The following TMEM131 variants were observed in gnomAD, a reference collection of about 807,000 sequenced individuals.
TMEM131 encodes the protein 2610524E03Rik.
A neutral mutation model predicts 211.6 loss-of-function variants in TMEM131; 66 were observed. That is an observed-to-expected ratio of 0.31 (90% CI 0.26 to 0.38). The LOEUF is 0.38. TMEM131 is among the 10% of genes least tolerant of loss of function. The pLI is 1.00. For synonymous variants in TMEM131, 844 were observed against 841.3 expected, an observed-to-expected ratio of 1.00 and a Z score of -0.06; for missense variants, 2,036 against 2,299.3, an observed-to-expected ratio of 0.89 and a Z score of 2.34.
At chr2:97,806,386 C>G (rs369122127) in intron 19 of TMEM131, among the ~76,000 whole-genome samples, 2 of 152,012 alleles carry the variant, frequency 1.3e-5, no homozygotes, top group East Asian at 1.9e-4. Flanking sequence ...AAAATACACA[C>G]GAAAAATTAG....
chr2:97,984,741 A>C (rs1475582157), intron 1 of TMEM131, among the ~76,000 whole-genome samples: 1 of 150,894 alleles, frequency 6.6e-6, no homozygotes, highest in Non-Finnish European at 1.5e-5. Flanking sequence ...TAATTACTAT[A>C]TATTGATACA....
intron 4 of TMEM131, among the ~76,000 whole-genome samples, chr2:97,885,580 T>C (rs914869071): frequency 6.7e-6 from 1 of 148,626 alleles, no homozygotes; most frequent in Non-Finnish European, 1.5e-5. Flanking sequence ...ACCCCCACTT[T>C]GAGTATTTTT....
intron 1 of TMEM131, among the ~76,000 whole-genome samples, chr2:97,971,317 C>T (rs1017324876): frequency 1.3e-5 from 2 of 151,862 alleles, no homozygotes; most frequent in South Asian, 2.1e-4. Flanking sequence ...AGGTGTTCCA[C>T]GTGACAAAAG....
At chr2:97,796,193 T>C in intron 28 of TMEM131, 25 bp downstream of exon 28, 1 of 1,385,930 alleles carries the variant, frequency 7.2e-7, no homozygotes, top group East Asian at 2.6e-5. Context: ...TAGTGATTCA[T>C]TACACCTTAA....
chr2:97,912,932 T>C (rs1479741709), intron 2 of TMEM131: 2 of 152,224 alleles, frequency 1.3e-5, no homozygotes, highest in African/African-American at 4.8e-5. Flanking sequence ...CTTTAAAATA[T>C]TATTAAATTC....
intron 2 of TMEM131, among the ~76,000 whole-genome samples, chr2:97,919,935 T>C (rs1468970370): frequency 6.6e-6 from 1 of 152,338 alleles, no homozygotes; most frequent in Non-Finnish European, 1.5e-5. Flanking sequence ...GAACTTGGCA[T>C]TCAGTTGTGA....
intron 40 of TMEM131, among the ~76,000 whole-genome samples, chr2:97,758,378 T>A (rs1206212581): frequency 6.6e-6 from 1 of 152,270 alleles, no homozygotes; most frequent in African/African-American, 2.4e-5. Context: ...AAGAATACTC[T>A]TTTCAGCATG....
intron 11 of TMEM131, among the ~76,000 whole-genome samples, chr2:97,831,077 T>TA (rs1682658927): frequency 6.6e-6 from 1 of 152,206 alleles, no homozygotes; most frequent in African/African-American, 2.4e-5. Flanking sequence ...GCTTGCCCCA[T>TA]AGCTGATAAG....
At chr2:97,968,639 A>C (rs1020668193) in intron 1 of TMEM131, among the ~76,000 whole-genome samples, 1 of 152,188 alleles carries the variant, frequency 6.6e-6, no homozygotes, top group Admixed American at 6.5e-5. Flanking sequence ...AGCCTGCACA[A>C]AGCAAGAGTG....
intron 4 of TMEM131, among the ~76,000 whole-genome samples, chr2:97,865,224 CATG>C (rs1383651092): frequency 6.6e-6 from 1 of 152,214 alleles, no homozygotes; most frequent in Non-Finnish European, 1.5e-5. Flanking sequence ...ACCCAAGTAA[CATG>C]ATATGTTTGG....
At chr2:97,981,162 G>A (rs1011514817) in intron 1 of TMEM131, among the ~76,000 whole-genome samples, 1 of 143,832 alleles carries the variant, frequency 7.0e-6, no homozygotes, top group African/African-American at 2.6e-5. Context: ...TCACTAAAAA[G>A]CATATTCTAG....
At chr2:97,817,494 G>C (rs1381234033) in intron 12 of TMEM131, among the ~76,000 whole-genome samples, 1 of 152,200 alleles carries the variant, frequency 6.6e-6, no homozygotes, top group Admixed American at 6.5e-5. Context: ...ACTGACACTG[G>C]TAGGCATGAA....
chr2:97,933,118 T>C (rs1283841628), intron 1 of TMEM131, among the ~76,000 whole-genome samples: 1 of 152,198 alleles, frequency 6.6e-6, no homozygotes, highest in East Asian at 1.9e-4. Context: ...TAGGTTTGTG[T>C]AGGTACACTC....
intron 1 of TMEM131, among the ~76,000 whole-genome samples, chr2:97,940,074 T>G (rs192479316): frequency 6.6e-6 from 1 of 152,104 alleles, no homozygotes; most frequent in Non-Finnish European, 1.5e-5. Context: ...TCATACCGAA[T>G]AGACAAAAAT....
chr2:97,920,353 A>G (rs1304082816), intron 2 of TMEM131, among the ~76,000 whole-genome samples: 1 of 152,150 alleles, frequency 6.6e-6, no homozygotes, highest in Non-Finnish European at 1.5e-5. Flanking sequence ...TGAAATATTG[A>G]ATGTTGTATT....
At chr2:97,762,774 A>AG (rs1444788391) in intron 35 of TMEM131, 1 of 152,588 alleles carries the variant, frequency 6.6e-6, no homozygotes. Flanking sequence ...TGGGAGGCTG[A>AG]GGTGGGAGGC....
chr2:97,873,609 C>T (rs958497544), intron 4 of TMEM131, among the ~76,000 whole-genome samples: 2 of 152,132 alleles, frequency 1.3e-5, no homozygotes, highest in African/African-American at 2.4e-5. Context: ...AGGCAAACAG[C>T]GTCGGGAGTG....
chr2:97,995,325 G>A (rs1007830886), intron 1 of TMEM131, 151 bp downstream of exon 1: 3 of 659,774 alleles, frequency 4.5e-6, no homozygotes, highest in Admixed American at 9.0e-5. Context: ...CGTGCGGCGG[G>A]CGCCGCGAGG....
chr2:97,803,528 G>C (rs1203640122), intron 22 of TMEM131, among the ~76,000 whole-genome samples: 1 of 152,178 alleles, frequency 6.6e-6, no homozygotes, highest in African/African-American at 2.4e-5. Context: ...TAAGATTCCT[G>C]GGACTAAACG....
Sources: gnomAD v4.1 joint callset for allele counts (sites outside exome capture counted in the v4.1 genomes callset) on GRCh38, gnomAD v4.1.1 for gene constraint, MANE v1.5 for transcripts, NCBI Gene and HGNC (gene_info 2026-07-23, HGNC 2026-07-21) for gene names.